Variants in KCNH7 observed in about 807,000 individuals in gnomAD.
The protein encoded by KCNH7 is potassium voltage-gated channel subfamily H member 7, also known as voltage-gated inwardly rectifying potassium channel KCNH7.
In KCNH7, 49 loss-of-function variants were observed where a neutral mutation model predicts 120.8. That is an observed-to-expected ratio of 0.41 (90% confidence interval 0.32 to 0.51). KCNH7 has a LOEUF of 0.51. KCNH7 is among the 20% of genes least tolerant of loss of function. KCNH7 has a pLI of 0.38. For missense variants in KCNH7, 1,097 were observed against 1,446.6 expected (o/e 0.76, Z 3.92); for synonymous variants, 547 against 516.1 (o/e 1.06, Z -0.81).
chr2:162,505,189 C>T lies in KCNH7; in HGVS notation c.914-532G>A, dbSNP rs138316058. 8.0e-4 allele frequency among the ~76,000 whole-genome samples: 122 copies of T among 152,010 alleles called. 1 individual carries two copies. The highest frequency in any genetic ancestry group is 2.9e-3 in the African/African-American group (120 of 41,518). ...CTATATGAGATGCTCCACAGAGCTT[C>T]TGAAAGAGTTAAACCCAGATGAAGG... On this transcript the variant is annotated intron_variant, in intron 5 of 15. Coordinates refer to ENST00000332142, the MANE Select transcript of KCNH7 (RefSeq NM_033272.4).
At chr2:162,590,751 T>A (rs1694183394) in intron 2 of KCNH7, among the ~76,000 whole-genome samples, 1 of 152,106 alleles carries the variant, frequency 6.6e-6, no homozygotes, top group African/African-American at 2.4e-5. Context: ...CCCTAGTGAG[T>A]ACCATCTGTA....
chr2:162,656,494 A>T (rs1684768386), intron 2 of KCNH7, among the ~76,000 whole-genome samples: 1 of 152,208 alleles, frequency 6.6e-6, no homozygotes, highest in South Asian at 2.1e-4. Flanking sequence ...AATCGAAAGC[A>T]TATAGAGAAT....
intron 4 of KCNH7, among the ~76,000 whole-genome samples, chr2:162,517,395 A>C (rs1313134028): frequency 6.6e-6 from 1 of 151,856 alleles, no homozygotes. Context: ...TGCTAAATGC[A>C]GCAAAATTAA....
chr2:162,673,341 G>A lies in KCNH7; in HGVS notation c.308-136261C>T, dbSNP rs149251666. Reference sequence around the variant, plus strand: ...ATATCTAGCAATGTATGAAAAGGACGAAACAACATTATCAGTCAGGTTAAT... The same window carrying A: ...ATATCTAGCAATGTATGAAAAGGACAAAACAACATTATCAGTCAGGTTAAT... On this transcript the variant is annotated intron_variant, in intron 2 of 15. Coordinates refer to ENST00000332142, the MANE Select transcript of KCNH7 (RefSeq NM_033272.4). Among the ~76,000 whole-genome samples, 13 of 152,064 alleles carry A rather than the reference G, an allele frequency of 8.5e-5. No individual in the cohort carries two copies. The East Asian group carries it at 1.9e-3, about 23-fold the overall frequency.
chr2:162,793,937 G>A (rs1684045653), intron 2 of KCNH7, among the ~76,000 whole-genome samples: 1 of 151,868 alleles, frequency 6.6e-6, no homozygotes, highest in Non-Finnish European at 1.5e-5. Flanking sequence ...GATCCTAAAT[G>A]TTCTCACCAC....
At chr2:162,772,041 A>C (rs933161538) in intron 2 of KCNH7, 3 of 152,154 alleles carry the variant, frequency 2.0e-5, no homozygotes, top group Admixed American at 6.5e-5. Flanking sequence ...AAGAACCTAG[A>C]TCCATCATGC....
intron 2 of KCNH7, among the ~76,000 whole-genome samples, chr2:162,693,313 A>G (rs1264054377): frequency 6.6e-6 from 1 of 152,172 alleles, no homozygotes; most frequent in Non-Finnish European, 1.5e-5. Context: ...TAATACCTAG[A>G]AACAGCCTGG....
At chr2:162,643,826 A>AAAAAAG (rs1559060510) in intron 2 of KCNH7, among the ~76,000 whole-genome samples, 4 of 123,606 alleles carry the variant, frequency 3.2e-5, no homozygotes, top group Non-Finnish European at 6.9e-5. Flanking sequence ...AAAAAAAAAA[A>AAAAAAG]AAGAAGAAAA....
At chr2:162,381,526 T>G (rs531882287) in intron 13 of KCNH7, among the ~76,000 whole-genome samples, 15 of 152,222 alleles carry the variant, frequency 9.9e-5, no homozygotes, top group Non-Finnish European at 1.6e-4. Context: ...AAGAAATTTC[T>G]CAAATGAGGT....
chr2:162,412,613 T>C (rs1054728540), intron 9 of KCNH7, among the ~76,000 whole-genome samples: 3 of 152,144 alleles, frequency 2.0e-5, no homozygotes, highest in Non-Finnish European at 2.9e-5. Flanking sequence ...ATTAGTGGAA[T>C]AGTGCCCATT....
intron 2 of KCNH7, among the ~76,000 whole-genome samples, chr2:162,752,023 A>G (rs1342005986): frequency 6.6e-6 from 1 of 152,098 alleles, no homozygotes; most frequent in Non-Finnish European, 1.5e-5. Context: ...GTTTTCCACT[A>G]TGTAGCTTGC....
At chr2:162,702,201 A>G (rs1369653360) in intron 2 of KCNH7, among the ~76,000 whole-genome samples, 1 of 152,150 alleles carries the variant, frequency 6.6e-6, no homozygotes, top group Non-Finnish European at 1.5e-5. Context: ...TGTTCAGTAT[A>G]GTATTATCAT....
At chr2:162,681,369 G>T (rs1199474591) in intron 2 of KCNH7, among the ~76,000 whole-genome samples, 1 of 151,726 alleles carries the variant, frequency 6.6e-6, no homozygotes, top group African/African-American at 2.4e-5. Context: ...TGAGGCACAA[G>T]GGAAATGTCA....
chr2:162,564,128 A>C (rs1693165336), intron 2 of KCNH7, among the ~76,000 whole-genome samples: 3 of 151,990 alleles, frequency 2.0e-5, no homozygotes, highest in South Asian at 4.1e-4. Flanking sequence ...TACCACATAT[A>C]ATTATTTTTT....
chr2:162,438,125 T>C (rs775621256), intron 7 of KCNH7, among the ~76,000 whole-genome samples: 3 of 152,172 alleles, frequency 2.0e-5, no homozygotes, highest in Non-Finnish European at 4.4e-5. Flanking sequence ...TGAAGTATAA[T>C]AAAAATTCTC....
intron 2 of KCNH7, among the ~76,000 whole-genome samples, chr2:162,682,002 A>G (rs1037880579): frequency 1.3e-5 from 2 of 151,588 alleles, no homozygotes; most frequent in African/African-American, 4.8e-5. Context: ...TTCAAAAGTA[A>G]TTTCCTCCTT....
intron 2 of KCNH7, among the ~76,000 whole-genome samples, chr2:162,608,037 C>T (rs1444256549): frequency 6.6e-6 from 1 of 152,024 alleles, no homozygotes; most frequent in Non-Finnish European, 1.5e-5. Flanking sequence ...TTTATATTTC[C>T]TAGACAGTTT....
chr2:162,637,711 C>A (rs1004318116), intron 2 of KCNH7, among the ~76,000 whole-genome samples: 1 of 151,760 alleles, frequency 6.6e-6, no homozygotes, highest in Non-Finnish European at 1.5e-5. Flanking sequence ...TAAATATATA[C>A]AATTTTGATT....
chr2:162,707,790 C>G (rs1467619349), intron 2 of KCNH7, among the ~76,000 whole-genome samples: 1 of 152,090 alleles, frequency 6.6e-6, no homozygotes, highest in Non-Finnish European at 1.5e-5. Context: ...TACGTTTACC[C>G]CATTTGATCA....
Sources: gnomAD v4.1 joint callset for allele counts (sites outside exome capture counted in the v4.1 genomes callset) on GRCh38, gnomAD v4.1.1 for gene constraint, MANE v1.5 for transcripts, NCBI Gene and HGNC (gene_info 2026-07-23, HGNC 2026-07-21) for gene names.